NEO1: variants seen among roughly 807,000 people sequenced by gnomAD.
The protein encoded by NEO1 is neogenin.
In NEO1, 63 loss-of-function variants were observed where a neutral mutation model predicts 159.7. That is an observed-to-expected ratio of 0.39 (90% CI 0.32 to 0.49). The LOEUF (loss-of-function observed/expected upper bound fraction) is 0.49. Among genes scored for constraint, NEO1 ranks in the 20% least tolerant of loss-of-function variants. NEO1 has a pLI of 0.85. For synonymous variants in NEO1, 633 were observed against 662.0 expected (o/e 0.96, Z 0.67); for missense variants, 1,615 against 1,831.0 (o/e 0.88, Z 2.15).
chr15:73,132,376 T>A (rs148684246), intron 4 of NEO1, among the ~76,000 whole-genome samples: 1 of 152,272 alleles, frequency 6.6e-6, no homozygotes, highest in Non-Finnish European at 1.5e-5. Context: ...CTTCACGAAG[T>A]CTGAGTGTGT....
intron 8 of NEO1, among the ~76,000 whole-genome samples, chr15:73,239,879 G>A (rs1196639429): frequency 6.6e-6 from 1 of 152,170 alleles, no homozygotes; most frequent in Non-Finnish European, 1.5e-5. Context: ...ATTTTGATGT[G>A]TATGTAAATG....
intron 1 of NEO1, among the ~76,000 whole-genome samples, chr15:73,115,263 G>A (rs1309941399): frequency 1.1e-4 from 16 of 152,088 alleles, no homozygotes; most frequent in Admixed American, 8.5e-4. Flanking sequence ...GGCTGGTCTC[G>A]AACTGCTGAC....
chr15:73,144,094 G>A (rs1236115872), intron 5 of NEO1, among the ~76,000 whole-genome samples: 1 of 152,110 alleles, frequency 6.6e-6, no homozygotes, highest in African/African-American at 2.4e-5. Context: ...TACTATTCAT[G>A]TTTTCCTTTG....
At chr15:73,278,038 TTG>T in intron 21 of NEO1, 91 bp from the exon 22 acceptor site, 1 of 1,048,232 alleles carries the variant, frequency 9.5e-7, no homozygotes, top group Non-Finnish European at 1.4e-6. Context: ...AGACTAAAAA[TTG>T]TGTTTTTTGT....
chr15:73,215,980 G>A (rs555769040), intron 7 of NEO1, among the ~76,000 whole-genome samples: 14 of 151,802 alleles, frequency 9.2e-5, no homozygotes, highest in Non-Finnish European at 1.5e-4. Flanking sequence ...TGTGTACAAT[G>A]TGCAGGCTAG....
chr15:73,244,310 TAATG>T (rs1168425372), intron 8 of NEO1, 30 bp from the exon 9 acceptor site: 2 of 1,589,378 alleles, frequency 1.3e-6, no homozygotes, highest in Non-Finnish European at 1.7e-6. Context: ...TATTCCTAAT[TAATG>T]CTATCTCTCT....
At chr15:73,083,895 T>G (rs186171387) in intron 1 of NEO1, among the ~76,000 whole-genome samples, 1 of 152,264 alleles carries the variant, frequency 6.6e-6, no homozygotes, top group East Asian at 1.9e-4. Flanking sequence ...CCTCAAGGGA[T>G]CCTCCTGCCT....
intron 5 of NEO1, among the ~76,000 whole-genome samples, chr15:73,158,878 G>A (rs1463290737): frequency 6.6e-6 from 1 of 152,140 alleles, no homozygotes; most frequent in East Asian, 1.9e-4. Context: ...AGCATAATAG[G>A]TGTAACAAGC....
chr15:73,130,313 CCCCGCCGCATAAGACCCTTT>C (rs1217185042), intron 4 of NEO1, among the ~76,000 whole-genome samples: 1 of 149,292 alleles, frequency 6.7e-6, no homozygotes, highest in Non-Finnish European at 1.5e-5. Flanking sequence ...TTCCCGCCCC[CCCCGCCGCATAAGACCCTTT>C]CAGGAACCTG....
Position 73,283,015 on chromosome 15 carries a change from T to G in NEO1, c.3314T>G (p.Leu1105Arg), listed in dbSNP as rs911581476. The G allele has an allele frequency of 6.2e-7, 1 of 1,614,214 alleles. No homozygotes were observed. Among genetic ancestry groups the G allele is most frequent in the Non-Finnish European group, 8.5e-7 (1 of 1,180,040 alleles). ...SPTSPLDSNM[L>R]LVIIVSVGVI... is the part of the protein sequence containing the mutation. ...ACCTCTCCTCTGGACAGTAATATGC[T>G]GCTGGTCATAATTGTTTCTGTTGGC... Residue 1105 changes from leucine (L) to arginine (R), a missense_variant, in exon 23 of 29, where the codon CTG becomes CGG. Coordinates refer to ENST00000261908, the MANE Select transcript of NEO1 (RefSeq NM_002499.4).
At chr15:73,295,957 A>G (rs2042347861) in intron 26 of NEO1, among the ~76,000 whole-genome samples, 1 of 152,330 alleles carries the variant, frequency 6.6e-6, no homozygotes, top group Non-Finnish European at 1.5e-5. Flanking sequence ...AATTTTACTT[A>G]CAGCATGGAT....
At chr15:73,298,704 A>T in intron 27 of NEO1, 93 bp downstream of exon 27, 1 of 1,503,068 alleles carries the variant, frequency 6.7e-7, no homozygotes, top group Non-Finnish European at 9.1e-7. Context: ...TTTGAAGTAT[A>T]GCAAAGCAAA....
At chr15:73,213,893 A>G (rs2037727988) in intron 7 of NEO1, among the ~76,000 whole-genome samples, 2 of 152,194 alleles carry the variant, frequency 1.3e-5, no homozygotes, top group Admixed American at 6.5e-5. Flanking sequence ...TCAGCAGTAT[A>G]GAAGTGTTCC....
chr15:73,301,569 A>G (rs1268739992), intron 28 of NEO1, 112 bp downstream of exon 28: 5 of 1,383,548 alleles, frequency 3.6e-6, no homozygotes, highest in African/African-American at 1.4e-5. Context: ...ACCCAGAACT[A>G]TGAAGCAGAT....
At chr15:73,142,979 T>C (rs1372914076) in intron 5 of NEO1, among the ~76,000 whole-genome samples, 2 of 151,746 alleles carry the variant, frequency 1.3e-5, no homozygotes, top group Non-Finnish European at 2.9e-5. Context: ...AAAGTGAAAA[T>C]GAAATAAACT....
At chr15:73,103,496 C>T (rs571868227) in intron 1 of NEO1, among the ~76,000 whole-genome samples, 1 of 152,312 alleles carries the variant, frequency 6.6e-6, no homozygotes, top group South Asian at 2.1e-4. Flanking sequence ...CAGGAATGTC[C>T]TCCTTGACTG....
chr15:73,078,519 A>C (rs917513629), intron 1 of NEO1, among the ~76,000 whole-genome samples: 15 of 152,198 alleles, frequency 9.9e-5, no homozygotes, highest in Admixed American at 9.2e-4. Context: ...TTTATCTAAA[A>C]CAATGGCAGT....
At chr15:73,128,067 T>A (rs1180930990) in intron 4 of NEO1, among the ~76,000 whole-genome samples, 1 of 152,192 alleles carries the variant, frequency 6.6e-6, no homozygotes, top group Non-Finnish European at 1.5e-5. Context: ...TACAATCAGA[T>A]TGTTCCCCAC....
intron 1 of NEO1, among the ~76,000 whole-genome samples, chr15:73,068,216 T>TTCCCCTCCCC (rs2068321611): frequency 1.1e-5 from 1 of 92,970 alleles, no homozygotes. Flanking sequence ...TTTGTTTTTG[T>TTCCCCTCCCC]CCCCCTACCC....
Sources: allele counts gnomAD v4.1 joint callset (sites outside exome capture counted in the v4.1 genomes callset), GRCh38; gene constraint gnomAD v4.1.1; transcripts MANE v1.5; gene names NCBI Gene and HGNC (gene_info 2026-07-23, HGNC 2026-07-21).